VPS8: variants seen among roughly 807,000 people sequenced by gnomAD.
The protein encoded by VPS8 is VPS8 subunit of CORVET complex.
Under a neutral mutation model 216.4 loss-of-function variants are expected in VPS8, and 129 were observed. That is an observed-to-expected ratio of 0.60 (90% CI 0.52 to 0.69). VPS8 has a LOEUF of 0.69. VPS8 is among the 30% of genes least tolerant of loss of function. The pLI is 0.00. For missense variants in VPS8, 1,531 were observed against 1,683.5 expected (o/e 0.91, Z 1.59); for synonymous variants, 571 against 565.4 (o/e 1.01, Z -0.14).
chr3:184,944,653 C>T (rs73051384), intron 36 of VPS8: 86,674 of 931,818 alleles, frequency 0.093, 4,166 homozygotes, highest in South Asian at 0.14. Context: ...TTGATTTAGC[C>T]TTTGTTAACA....
At chr3:185,044,470 G>A (rs371450776) in intron 46 of VPS8, among the ~76,000 whole-genome samples, 3 of 152,114 alleles carry the variant, frequency 2.0e-5, no homozygotes, top group African/African-American at 7.2e-5. Flanking sequence ...GTTATTACAC[G>A]ATCGATAAAG....
At chr3:184,915,592 T>G in intron 28 of VPS8, 118 bp downstream of exon 28, 1 of 1,112,998 alleles carries the variant, frequency 9.0e-7, no homozygotes, top group Non-Finnish European at 1.2e-6. Flanking sequence ...GCAGATCATC[T>G]GAGGTCAGGA....
intron 46 of VPS8, among the ~76,000 whole-genome samples, chr3:185,031,523 C>A (rs918038930): frequency 2.0e-5 from 3 of 152,072 alleles, no homozygotes; most frequent in African/African-American, 7.2e-5. Flanking sequence ...AAGACAGATG[C>A]CTTTTTATGG....
At chr3:184,903,543 AT>A (rs1479614256) in intron 25 of VPS8, among the ~76,000 whole-genome samples, 1 of 152,106 alleles carries the variant, frequency 6.6e-6, no homozygotes, top group East Asian at 1.9e-4. Context: ...CCTCAAACTT[AT>A]GGGATCAAGT....
chr3:184,863,196 C>A, intron 16 of VPS8, 129 bp downstream of exon 16: 2 of 1,124,086 alleles, frequency 1.8e-6, no homozygotes, highest in Non-Finnish European at 2.5e-6. Context: ...TCTTTACAAG[C>A]CACTAGGTTG....
At chr3:184,954,069 G>T (rs992288284) in intron 36 of VPS8, among the ~76,000 whole-genome samples, 1 of 152,120 alleles carries the variant, frequency 6.6e-6, no homozygotes, top group African/African-American at 2.4e-5. Context: ...CCATTAATTT[G>T]CTAGAGCAGC....
At chr3:184,849,897 G>C in intron 9 of VPS8, 39 bp from the exon 10 acceptor site, 1 of 1,510,576 alleles carries the variant, frequency 6.6e-7, no homozygotes, top group Non-Finnish European at 9.2e-7. Context: ...CAAAAAAAGA[G>C]CAATAAATTT....
chr3:184,842,417 C>G (rs1203233657), intron 7 of VPS8, among the ~76,000 whole-genome samples: 1 of 150,180 alleles, frequency 6.7e-6, no homozygotes, highest in African/African-American at 2.5e-5. Flanking sequence ...TCTTTCATTA[C>G]AGTCTCATGG....
intron 39 of VPS8, among the ~76,000 whole-genome samples, chr3:184,969,595 A>G (rs901058554): frequency 2.0e-5 from 3 of 150,536 alleles, no homozygotes; most frequent in Admixed American, 1.3e-4. Context: ...ACTCCCAGCT[A>G]ATCTTTGTAT....
At chr3:184,838,938 T>G (rs1015929188) in intron 6 of VPS8, 192 bp downstream of exon 6, 88 of 501,264 alleles carry the variant, frequency 1.8e-4, no homozygotes, top group African/African-American at 1.7e-3. Context: ...TTGTTACTTT[T>G]TAGGCTTTTG....
chr3:184,921,590 T>G (rs1231414079), intron 29 of VPS8, among the ~76,000 whole-genome samples: 4 of 152,138 alleles, frequency 2.6e-5, no homozygotes, highest in African/African-American at 9.7e-5. Context: ...TCTTTTTTTT[T>G]TGAGACTGAG....
At chr3:184,999,521 T>G (rs374311214) in intron 44 of VPS8, among the ~76,000 whole-genome samples, 175 bp from the exon 45 acceptor site, 3 of 152,348 alleles carry the variant, frequency 2.0e-5, no homozygotes, top group East Asian at 3.9e-4. Context: ...GAATGTGGAT[T>G]TTTAAAAAGA....
At chr3:184,940,732 T>A (rs1742532483) in intron 36 of VPS8, among the ~76,000 whole-genome samples, 1 of 152,216 alleles carries the variant, frequency 6.6e-6, no homozygotes. Flanking sequence ...AAATGTGTTT[T>A]TTCAACAGCT....
In VPS8 at chr3:184,964,468, A is replaced by C; in HGVS notation, c.3184A>C (p.Ile1062Leu). Residue 1062 changes from isoleucine to leucine, a missense_variant and splice_region_variant, in exon 38 of 48, where the codon ATT becomes CTT. Transcript: ENST00000625842. ...ECYRLEETIQITQKYQLHEVT... is the reference protein window; with the variant it reads ...ECYRLEETIQLTQKYQLHEVT... ...AATATTTATCTTTTTTATTTCCTAG[A>C]TTACTCAGAAGTATCAACTTCATGA... The C allele has an allele frequency of 6.8e-7, 1 of 1,473,490 alleles. No homozygotes were observed. Among genetic ancestry groups the C allele is most frequent in the Non-Finnish European group, 9.1e-7 (1 of 1,101,898 alleles). 91.3% of individuals were successfully genotyped at this position (1,473,490 alleles called of 1,614,324 possible).
In VPS8 at chr3:184,949,767, C is replaced by CAA. The variant is rs1744316762; in HGVS notation, c.3036-7604_3036-7603dup. Among the ~76,000 whole-genome samples, 6 of 152,024 alleles carry CAA rather than the reference C, an allele frequency of 3.9e-5. No homozygotes were observed. The South Asian group carries it at 1.2e-3, about 32-fold the overall frequency. On this transcript the variant is annotated intron_variant, in intron 36 of 47. Coordinates refer to ENST00000625842, the MANE Select transcript of VPS8 (RefSeq NM_001009921.3). The stretch of plus-strand genomic sequence containing the variant: ...ATTCATTTATGTTTTGCTTAGTTGG[C>CAA]AAAACTAAGGATTACATTTGGCATT...
intron 46 of VPS8, among the ~76,000 whole-genome samples, chr3:185,038,722 T>C (rs1173096577): frequency 6.6e-6 from 1 of 152,216 alleles, no homozygotes; most frequent in Non-Finnish European, 1.5e-5. Context: ...GAGCTGAGGA[T>C]AGGGACAATG....
chr3:184,956,396 C>T (rs1266388122), intron 36 of VPS8, among the ~76,000 whole-genome samples: 2 of 152,160 alleles, frequency 1.3e-5, no homozygotes, highest in African/African-American at 2.4e-5. Context: ...TTCTGTGTGC[C>T]ACAATATGAG....
intron 39 of VPS8, among the ~76,000 whole-genome samples, chr3:184,970,065 C>T (rs1054219860): frequency 1.3e-5 from 2 of 151,630 alleles, no homozygotes; most frequent in African/African-American, 4.8e-5. Context: ...CACCAGCCAC[C>T]ACACCCAGCT....
At chr3:184,992,625 C>T (rs1752048439) in intron 42 of VPS8, among the ~76,000 whole-genome samples, 1 of 152,056 alleles carries the variant, frequency 6.6e-6, no homozygotes, top group African/African-American at 2.4e-5. Flanking sequence ...TTGGCATATG[C>T]TACTCACTTA....
Sources: gnomAD v4.1 joint callset for allele counts (sites outside exome capture counted in the v4.1 genomes callset) on GRCh38, gnomAD v4.1.1 for gene constraint, MANE v1.5 for transcripts, NCBI Gene and HGNC (gene_info 2026-07-23, HGNC 2026-07-21) for gene names.